The following CCDC24 variants were observed in gnomAD, a reference collection of about 807,000 sequenced individuals.
CCDC24 encodes the protein coiled-coil domain containing 24, also known as coiled-coil domain-containing protein 24.
In CCDC24, 34 loss-of-function variants were observed where a neutral mutation model predicts 31.6. That is an observed-to-expected ratio of 1.08 (90% CI 0.82 to 1.43). The LOEUF (loss-of-function observed/expected upper bound fraction) is 1.43, where lower values mean the gene tolerates loss of function less well. Among genes scored for constraint, CCDC24 ranks in the 40% most tolerant of loss-of-function variants. CCDC24 has a pLI of 0.00. For missense variants in CCDC24, 426 were observed against 391.1 expected, an observed-to-expected ratio of 1.09 and a Z score of -0.75; for synonymous variants, 175 against 157.3, an observed-to-expected ratio of 1.11 and a Z score of -0.84.
In CCDC24 at chr1:43,991,734, C is replaced by T. The variant is rs1228705237; in HGVS notation, c.-45C>T. ...GGGCAATCCCAGCCGAGGGGACCAG[C>T]GGCAGAGCACGGGTGGGGCTTGGGA... On this transcript the variant is annotated 5_prime_UTR_variant, in exon 1 of 9. Transcript: ENST00000372318. 2.8e-6 allele frequency: 3 copies of T among 1,066,440 alleles called. No homozygotes were observed. The highest frequency in any genetic ancestry group is 2.7e-5 in the South Asian group (2 of 74,802). The allele number at this position is 1,066,440 out of a possible 1,614,324, so 66.1% of individuals were successfully genotyped here.
chr1:43,991,885 C>T lies in CCDC24; in HGVS notation c.7C>T (p.Arg3Trp), dbSNP rs764753979. The T allele has an allele frequency of 1.5e-5, 24 of 1,552,330 alleles. No homozygotes were observed. The highest frequency in any genetic ancestry group is 1.8e-5 in the Non-Finnish European group (21 of 1,147,688). MLRHSPSLWELVE... is the reference protein window; with the variant it reads MLWHSPSLWELVE... ...ACGGCGGCGTCGGTGGGTCATGCTC[C>T]GGCACTCCCCCTCGCTGTGGGAGCT... Residue 3 changes from arginine (R) to tryptophan (W), a missense_variant, in exon 2 of 9, where the codon CGG becomes TGG. Transcript: ENST00000372318.
Position 43,995,848 on chromosome 1 carries a change from C to T in CCDC24, c.693C>T (p.Pro231=), listed in dbSNP as rs2085837705. 3.1e-6 allele frequency: 5 copies of T among 1,614,216 alleles called. No individual in the cohort carries two copies. The African/African-American group carries it at 4.0e-5, about 13-fold the overall frequency. ...CTGTGGGGCCTTCTTGTGTCTCTCC[C>T]AACCACAGGTAAACCACAACAGTAG... is the stretch of plus-strand genomic sequence containing the variant. ...QASVGPSCVS[P]NHRQRPLGSS... The change falls in exon 8 of 9, where the codon CCC becomes CCT. Residue 231 remains proline (P), a synonymous_variant. Coordinates refer to ENST00000372318, the MANE Select transcript of CCDC24 (RefSeq NM_152499.4). The surrounding 1 kb of genome is among the most constrained non-coding windows in gnomAD (Gnocchi z 4.3).
At position 43,992,288 on chromosome 1, in the gene CCDC24, C is replaced by A; in HGVS notation, c.203C>A (p.Ser68Tyr). 1 of 1,614,168 alleles carries A rather than the reference C, an allele frequency of 6.2e-7. No homozygotes were observed. Among genetic ancestry groups the A allele is most frequent in the Non-Finnish European group, 8.5e-7 (1 of 1,180,034 alleles). The change falls in exon 3 of 9, where the codon TCT (serine) becomes TAT (tyrosine). Residue 68 changes from serine (S) to tyrosine (Y), a missense_variant. By Grantham distance (144) the Ser-to-Tyr change is moderately radical. Coordinates refer to ENST00000372318, the MANE Select transcript of CCDC24 (RefSeq NM_152499.4). ...AGCTCCCGCCCCATCTCTGACCCCT[C>A]TTCTCTTCTGGCACCACCGCCTCTC... is the stretch of plus-strand genomic sequence containing the variant. Reference protein sequence around the residue: ...APSSRPISDPSSLLAPPPLLK... With the variant: ...APSSRPISDPYSLLAPPPLLK...
In CCDC24 at chr1:43,995,538, T is replaced by A; in HGVS notation, c.553-63T>A. 1 of 1,492,598 alleles carries A rather than the reference T, an allele frequency of 6.7e-7. No homozygotes were observed. 92.5% of individuals were successfully genotyped at this position (1,492,598 alleles called of 1,614,324 possible). A position where few individuals can be genotyped will look rare whatever the true frequency, so the allele number is the denominator to read the frequency against. On this transcript the variant is annotated intron_variant, in intron 6 of 8. Coordinates refer to ENST00000372318, the MANE Select transcript of CCDC24 (RefSeq NM_152499.4). This position sits in a 1 kb window ranked among gnomAD's most constrained non-coding sequence, Gnocchi z 4.3. ...CGGGCCTGCCCTGGGGATCTTGGCC[T>A]CTGTATCCTGCCTTGCCCCACCCCT...
Position 43,993,950 on chromosome 1 carries a change from G to A in CCDC24, c.483G>A (p.Val161=), listed in dbSNP as rs2085787205. 1.2e-6 allele frequency: 2 copies of A among 1,614,144 alleles called. No individual in the cohort carries two copies. Among genetic ancestry groups the A allele is most frequent in the Non-Finnish European group, 8.5e-7 (1 of 1,179,994 alleles). The part of the protein sequence containing the change: ...DQLNVSNIDQ[V]ARHLRGLLEE... The stretch of plus-strand genomic sequence containing the variant: ...TGAACGTGTCCAACATTGACCAGGT[G>A]GCCAGACACCTGAGGTGAGGCCCAG... Residue 161 remains valine (V), a synonymous_variant, in exon 5 of 9, where the codon GTG becomes GTA. Coordinates refer to ENST00000372318, the MANE Select transcript of CCDC24 (RefSeq NM_152499.4).
chr1:43,993,952 C>G lies in CCDC24; in HGVS notation c.485C>G (p.Ala162Gly), dbSNP rs1442990454. 3 of 1,613,926 alleles carry G rather than the reference C, an allele frequency of 1.9e-6. No homozygotes were observed. In the African/African-American group the frequency reaches 4.0e-5, roughly 22 times the overall value. The part of the protein sequence containing the change: ...QLNVSNIDQV[A>G]RHLRGLLEEE... ...AACGTGTCCAACATTGACCAGGTGG[C>G]CAGACACCTGAGGTGAGGCCCAGGG... is the stretch of plus-strand genomic sequence containing the variant. Residue 162 changes from alanine to glycine, a missense_variant, in exon 5 of 9, where the codon GCC (alanine) becomes GGC (glycine). Coordinates refer to ENST00000372318, the MANE Select transcript of CCDC24 (RefSeq NM_152499.4).
At position 43,996,449 on chromosome 1, in the gene CCDC24, C is replaced by G. The variant is rs2085862028; in HGVS notation, c.*289C>G. 4.9e-6 allele frequency: 2 copies of G among 404,746 alleles called. No individual in the cohort carries two copies. The allele number at this position is 404,746 out of a possible 1,614,324, so 25.1% of individuals were successfully genotyped here. ...GGTCTCATTCCAGCCTGACTCTTGT[C>G]CCCTGGGGGACCCAGACAAAGCACA... On this transcript the variant is annotated 3_prime_UTR_variant, in exon 9 of 9. Coordinates refer to ENST00000372318, the MANE Select transcript of CCDC24 (RefSeq NM_152499.4).
chr1:43,995,837 T>C lies in CCDC24; in HGVS notation c.682T>C (p.Cys228Arg). The change falls in exon 8 of 9, where the codon TGT becomes CGT. Residue 228 changes from cysteine (C) to arginine (R), a missense_variant. By Grantham distance (180) the Cys-to-Arg change is radical. Coordinates refer to ENST00000372318, the MANE Select transcript of CCDC24 (RefSeq NM_152499.4). This position sits in a 1 kb window ranked among gnomAD's most constrained non-coding sequence, Gnocchi z 4.3. ...GCTGCAGGCATCTGTGGGGCCTTCT[T>C]GTGTCTCTCCCAACCACAGGTAAAC... ...QELQASVGPS[C>R]VSPNHRQRPL... is the part of the protein sequence containing the mutation. The C allele has an allele frequency of 6.2e-7, 1 of 1,614,202 alleles. No homozygotes were observed. The highest frequency in any genetic ancestry group is 8.5e-7 in the Non-Finnish European group (1 of 1,180,024).
In CCDC24 at chr1:43,995,445, C is replaced by T. The variant is rs767656357; in HGVS notation, c.553-156C>T. 1.1e-5 allele frequency: 9 copies of T among 856,728 alleles called. No homozygotes were observed. Among genetic ancestry groups the T allele is most frequent in the Non-Finnish European group, 1.6e-5 (9 of 564,258 alleles). The allele number at this position is 856,728 out of a possible 1,614,324, so 53.1% of individuals were successfully genotyped here. On this transcript the variant is annotated intron_variant, in intron 6 of 8. Coordinates refer to ENST00000372318, the MANE Select transcript of CCDC24 (RefSeq NM_152499.4). The surrounding 1 kb of genome is among the most constrained non-coding windows in gnomAD (Gnocchi z 4.3). ...CACCACTATCTTGCCAAACTCAGCT[C>T]TTCCGCAAGGCTGGTATTCCCTGGG...
At chr1:43,992,070 G>T in intron 2 of CCDC24, 66 bp downstream of exon 2, 1 of 1,439,362 alleles carries the variant, frequency 6.9e-7, no homozygotes, top group Non-Finnish European at 9.3e-7. Flanking sequence ...TCCCACCTCT[G>T]CGGGTCCCTG....
At position 43,991,670 on chromosome 1, in the gene CCDC24, C is replaced by G. The variant is rs537811182; in HGVS notation, c.-109C>G. 147 of 745,906 alleles carry G rather than the reference C, an allele frequency of 2.0e-4. No individual in the cohort carries two copies. The African/African-American group carries it at 2.4e-3, about 12-fold the overall frequency. 46.2% of individuals were successfully genotyped at this position (745,906 alleles called of 1,614,324 possible). A position where few individuals can be genotyped will look rare whatever the true frequency, so the allele number is the denominator to read the frequency against. ...CCCGGCATCCGAGTCGGCCAAAAGC[C>G]GGGCAGAAGAGAGCGCCAAGGACTG... On this transcript the variant is annotated 5_prime_UTR_variant, in exon 1 of 9. Coordinates refer to ENST00000372318, the MANE Select transcript of CCDC24 (RefSeq NM_152499.4).
At position 43,995,240 on chromosome 1, in the gene CCDC24, G is replaced by A; in HGVS notation, c.552+78G>A. On this transcript the variant is annotated intron_variant, in intron 6 of 8. Coordinates refer to ENST00000372318, the MANE Select transcript of CCDC24 (RefSeq NM_152499.4). The surrounding 1 kb of genome is among the most constrained non-coding windows in gnomAD (Gnocchi z 4.3). ...TCACCTGGGTGAGACCCATGTACCTGTGTGCATACATAGGTGCATGTACAG... is the reference window on the plus strand; with the variant it reads ...TCACCTGGGTGAGACCCATGTACCTATGTGCATACATAGGTGCATGTACAG... 7.4e-7 allele frequency: 1 copy of A among 1,351,220 alleles called. No individual in the cohort carries two copies. The highest frequency in any genetic ancestry group is 2.0e-5 in the Admixed American group (1 of 50,740). 83.7% of individuals were successfully genotyped at this position (1,351,220 alleles called of 1,614,324 possible).
chr1:43,994,012 G>A (rs534488732), intron 5 of CCDC24, 48 bp downstream of exon 5: 12 of 1,539,306 alleles, frequency 7.8e-6, no homozygotes, highest in African/African-American at 1.4e-5. Context: ...GTGGAGACAA[G>A]GATGGATCTT....
In CCDC24 at chr1:43,995,956, C is replaced by G; in HGVS notation, c.720C>G (p.Ser240=). 1 of 1,614,134 alleles carries G rather than the reference C, an allele frequency of 6.2e-7. No individual in the cohort carries two copies. Among genetic ancestry groups the G allele is most frequent in the South Asian group, 1.1e-5 (1 of 91,078 alleles). Residue 240 remains serine (S), a synonymous_variant, in exon 9 of 9, where the codon TCC becomes TCG. Coordinates refer to ENST00000372318, the MANE Select transcript of CCDC24 (RefSeq NM_152499.4). The surrounding 1 kb of genome is among the most constrained non-coding windows in gnomAD (Gnocchi z 4.3). ...TGTCCAGGCAGCGGCCCTTGGGGTC[C>G]TCCACACAGGGCCTCAGACCCCCGC... ...SPNHRQRPLG[S]STQGLRPPLP... is the part of the protein sequence containing the mutation.
rs2085813900 is a variant in CCDC24 at position 43,995,132 on chromosome 1, C to G, written c.522C>G (p.His174Gln). ...GGGGCCTTCTGGAGGAGGAGTGTCA[C>G]ACCTTGGAGAGGGAGATCCTCATCC... ...HLRGLLEEEC[H>Q]TLEREILILQ... The change falls in exon 6 of 9, where the codon CAC becomes CAG. Residue 174 changes from histidine (H) to glutamine (Q), a missense_variant. His to Gln is a conservative substitution (Grantham distance 24). Transcript: ENST00000372318. This position sits in a 1 kb window ranked among gnomAD's most constrained non-coding sequence, Gnocchi z 4.3. The G allele has an allele frequency of 6.3e-7, 1 of 1,582,576 alleles. No homozygotes were observed. Among genetic ancestry groups the G allele is most frequent in the East Asian group, 2.3e-5 (1 of 43,260 alleles).
chr1:43,995,571 G>A lies in CCDC24; in HGVS notation c.553-30G>A. ...CTGCCTTGCCCCACCCCTGCCTTGA[G>A]TCTGGGCACTGACGCAGCTCTCCCT... On this transcript the variant is annotated intron_variant, in intron 6 of 8. Transcript: ENST00000372318. This position sits in a 1 kb window ranked among gnomAD's most constrained non-coding sequence, Gnocchi z 4.3. 2 of 1,578,608 alleles carry A rather than the reference G, an allele frequency of 1.3e-6. No homozygotes were observed. The highest frequency in any genetic ancestry group is 1.7e-6 in the Non-Finnish European group (2 of 1,159,702).
intron 2 of CCDC24, 70 bp from the exon 3 acceptor site, chr1:43,992,142 C>G (rs769556135): frequency 2.6e-6 from 4 of 1,526,240 alleles, no homozygotes; most frequent in Non-Finnish European, 2.7e-6. Context: ...CCCTCTCCCT[C>G]ACTCCCCCAG....
chr1:43,994,789 G>T, intron 5 of CCDC24: 1 of 426,922 alleles, frequency 2.3e-6, no homozygotes, highest in Non-Finnish European at 4.2e-6. Context: ...GCCTGTGTCA[G>T]AGGATTTTAA....
At position 43,995,530 on chromosome 1, in the gene CCDC24, T is replaced by C; in HGVS notation, c.553-71T>C. 1 of 1,465,664 alleles carries C rather than the reference T, an allele frequency of 6.8e-7. No homozygotes were observed. Among genetic ancestry groups the C allele is most frequent in the Non-Finnish European group, 9.2e-7 (1 of 1,090,064 alleles). The allele number at this position is 1,465,664 out of a possible 1,614,324, so 90.8% of individuals were successfully genotyped here. ...GGGCTGCACGGGCCTGCCCTGGGGA[T>C]CTTGGCCTCTGTATCCTGCCTTGCC... On this transcript the variant is annotated intron_variant, in intron 6 of 8. Coordinates refer to ENST00000372318, the MANE Select transcript of CCDC24 (RefSeq NM_152499.4). This position sits in a 1 kb window ranked among gnomAD's most constrained non-coding sequence, Gnocchi z 4.3.
Sources: gnomAD v4.1 joint callset for allele counts on GRCh38, gnomAD v4.1.1 for gene constraint, Gnocchi (gnomAD v3.1) non-coding constraint, MANE v1.5 for transcripts, NCBI Gene and HGNC (gene_info 2026-07-23, HGNC 2026-07-21) for gene names.